Variants in CTTN observed in about 807,000 individuals in gnomAD.
CTTN encodes the protein cortactin.
Under a neutral mutation model 84.0 loss-of-function variants are expected in CTTN, and 28 were observed. The ratio of observed to expected loss-of-function variants is 0.33; its 90% CI spans 0.25 to 0.46. The LOEUF is 0.46. CTTN is among the 20% of genes least tolerant of loss of function. CTTN has a pLI of 1.00. For missense variants in CTTN, 641 were observed against 723.8 expected (o/e 0.89, Z 1.31); for synonymous variants, 301 against 288.8 (o/e 1.04, Z -0.43).
At chr11:70,415,610 G>A (rs1313160742) in intron 6 of CTTN, 53 bp from the exon 7 acceptor site, 1 of 1,427,812 alleles carries the variant, frequency 7.0e-7, no homozygotes, top group African/African-American at 1.4e-5. Flanking sequence ...ATTGTTTCAG[G>A]GACATTGGAA....
Position 70,435,202 on chromosome 11 carries a change from A to C in CTTN, c.*40A>C, listed in dbSNP as rs1565502751. On this transcript the variant is annotated 3_prime_UTR_variant, in exon 18 of 18. Coordinates refer to ENST00000301843, the MANE Select transcript of CTTN (RefSeq NM_005231.4). ...CCCCGGAGCTGCGCCCTGGATCCTC[A>C]CACTACAGATCAGGCCTTCTTTGGT... 2 of 1,557,384 alleles carry C rather than the reference A, an allele frequency of 1.3e-6. No individual in the cohort carries two copies. The highest frequency in any genetic ancestry group is 1.7e-6 in the Non-Finnish European group (2 of 1,161,338).
chr11:70,435,284 T>TTG lies in CTTN; in HGVS notation c.*122_*123insTG. On this transcript the variant is annotated 3_prime_UTR_variant, in exon 18 of 18. Coordinates refer to ENST00000301843, the MANE Select transcript of CTTN (RefSeq NM_005231.4). The stretch of plus-strand genomic sequence containing the variant: ...TTTTTTTTTTTTTTTTTTTTGAAGG[T>TTG]GGGGAGGGGAATATACACATTGCTT... 1 of 776,250 alleles carries TTG rather than the reference T, an allele frequency of 1.3e-6. No individual in the cohort carries two copies. Among genetic ancestry groups the TTG allele is most frequent in the Non-Finnish European group, 1.7e-6 (1 of 592,736 alleles). 48.1% of individuals were successfully genotyped at this position (776,250 alleles called of 1,614,324 possible). A position where few individuals can be genotyped will look rare whatever the true frequency, so the allele number is the denominator to read the frequency against.
At chr11:70,407,790 T>TA in intron 4 of CTTN, 199 bp downstream of exon 4, 2 of 557,926 alleles carry the variant, frequency 3.6e-6, no homozygotes, top group Non-Finnish European at 6.3e-6. Flanking sequence ...TATATGTGTA[T>TA]ATTTAGATAC....
At chr11:70,421,159 C>T (rs999304960) in intron 10 of CTTN, among the ~76,000 whole-genome samples, 2 of 152,238 alleles carry the variant, frequency 1.3e-5, no homozygotes, top group Non-Finnish European at 2.9e-5. Flanking sequence ...GCACACTCGT[C>T]TGCAGTGTGC....
At chr11:70,422,900 C>T (rs1166080786) in intron 11 of CTTN, 40 bp from the exon 12 acceptor site, 3 of 1,613,980 alleles carry the variant, frequency 1.9e-6, no homozygotes, top group African/African-American at 1.3e-5. Flanking sequence ...CCATGCTCGC[C>T]TCCACCTCAG....
chr11:70,410,325 G>A (rs1169339165), intron 5 of CTTN: 2 of 198,776 alleles, frequency 1.0e-5, no homozygotes, highest in African/African-American at 2.3e-5. Context: ...ATGCCAGTCC[G>A]AAGACCAAAG....
intron 14 of CTTN, among the ~76,000 whole-genome samples, chr11:70,430,742 T>A (rs886109530): frequency 5.9e-5 from 9 of 152,174 alleles, no homozygotes; most frequent in African/African-American, 2.2e-4. Context: ...GTCCCCAAAG[T>A]CTCAACCCAT....
intron 1 of CTTN, among the ~76,000 whole-genome samples, chr11:70,400,337 G>A (rs2057962530): frequency 6.6e-6 from 1 of 152,130 alleles, no homozygotes; most frequent in Admixed American, 6.5e-5. Context: ...ATGTTGGCTT[G>A]CACCTGTTGT....
At chr11:70,423,227 C>T (rs1307596930) in intron 12 of CTTN, among the ~76,000 whole-genome samples, 1 of 152,154 alleles carries the variant, frequency 6.6e-6, no homozygotes, top group Non-Finnish European at 1.5e-5. Flanking sequence ...CCAGGCCAGG[C>T]AGGCTCAGCA....
intron 14 of CTTN, 97 bp from the exon 15 acceptor site, chr11:70,431,094 A>G: frequency 6.3e-6 from 8 of 1,261,650 alleles, no homozygotes; most frequent in South Asian, 1.2e-5. Context: ...TCCCCAGAGC[A>G]TGCCTAGAGC....
Position 70,436,491 on chromosome 11 carries a change from C to T in CTTN, c.*1329C>T. On this transcript the variant is annotated 3_prime_UTR_variant, in exon 18 of 18. Transcript: ENST00000301843. Reference sequence around the variant, plus strand: ...CAATGAGGTCGGGTTTTATATGCAACTTATTGTATCTGAATTCCTGTAGCA... The same window carrying T: ...CAATGAGGTCGGGTTTTATATGCAATTTATTGTATCTGAATTCCTGTAGCA... 3 of 1,154,964 alleles carry T rather than the reference C, an allele frequency of 2.6e-6. No homozygotes were observed. In the South Asian group the frequency reaches 4.1e-5, roughly 16 times the overall value. 71.5% of individuals were successfully genotyped at this position (1,154,964 alleles called of 1,614,324 possible).
chr11:70,420,841 G>T (rs2058227128), intron 10 of CTTN, among the ~76,000 whole-genome samples: 1 of 151,910 alleles, frequency 6.6e-6, no homozygotes, highest in Non-Finnish European at 1.5e-5. Flanking sequence ...ACCCGGGAGT[G>T]GGGGCATGTG....
At chr11:70,417,888 C>G (rs1366872500) in intron 8 of CTTN, among the ~76,000 whole-genome samples, 2 of 152,244 alleles carry the variant, frequency 1.3e-5, no homozygotes, top group East Asian at 1.9e-4. Flanking sequence ...ATTGCTGGGT[C>G]GAAGGCTATT....
chr11:70,420,347 G>A, intron 9 of CTTN, 53 bp from the exon 10 acceptor site: 2 of 1,172,916 alleles, frequency 1.7e-6, no homozygotes, highest in South Asian at 1.2e-5. Flanking sequence ...CTTTCCACCT[G>A]TGACCTGCAC....
rs11825736 is a variant in CTTN, at chr11:70,398,550, T to C, written c.-162T>C. 36,076 of 151,632 alleles carry C rather than the reference T, an allele frequency of 0.24. 5,825 individuals are homozygous for C. Among genetic ancestry groups the C allele is most frequent in the African/African-American group, 0.46 (19,119 of 41,326 alleles). The allele number at this position is 151,632 out of a possible 1,614,324, so 9.4% of individuals were successfully genotyped here. On this transcript the variant is annotated 5_prime_UTR_variant, in exon 1 of 18. Transcript: ENST00000301843. Reference sequence around the variant, plus strand: ...CCTCGGAACCGGAAGTAGAGCCTGGTGCCTGGGAGCGGCTGGCGCGGCGGA... The same window carrying C: ...CCTCGGAACCGGAAGTAGAGCCTGGCGCCTGGGAGCGGCTGGCGCGGCGGA...
At chr11:70,404,496 G>A (rs1392757493) in intron 1 of CTTN, among the ~76,000 whole-genome samples, 1 of 152,180 alleles carries the variant, frequency 6.6e-6, no homozygotes, top group African/African-American at 2.4e-5. Flanking sequence ...TGTCTTGATA[G>A]ACAGTCACCA....
intron 8 of CTTN, 116 bp from the exon 9 acceptor site, chr11:70,419,630 A>G (rs2058205108): frequency 2.7e-6 from 2 of 731,328 alleles, no homozygotes. Context: ...TGTATTATTC[A>G]GTGGTCCTAC....
At chr11:70,419,925 A>G (rs1239530190) in intron 9 of CTTN, 69 bp downstream of exon 9, 1 of 1,226,524 alleles carries the variant, frequency 8.2e-7, no homozygotes, top group Non-Finnish European at 1.2e-6. Context: ...CACACCGGAA[A>G]AGGAAAAACA....
intron 11 of CTTN, 135 bp downstream of exon 11, chr11:70,421,715 C>T (rs778712263): frequency 7.3e-5 from 50 of 680,980 alleles, no homozygotes; most frequent in Non-Finnish European, 1.2e-4. Context: ...TCAGGCTGTT[C>T]GGCACTTTAA....
Sources: gnomAD v4.1 joint callset for allele counts (sites outside exome capture counted in the v4.1 genomes callset) on GRCh38, gnomAD v4.1.1 for gene constraint, MANE v1.5 for transcripts, NCBI Gene and HGNC (gene_info 2026-07-23, HGNC 2026-07-21) for gene names.